EPB41L5: variants seen among roughly 807,000 people sequenced by gnomAD.
The protein encoded by EPB41L5 is erythrocyte membrane protein band 4.1 like 5.
In EPB41L5, 55 loss-of-function variants were observed where a neutral mutation model predicts 106.6. The ratio of observed to expected loss-of-function variants is 0.52; its 90% confidence interval spans 0.42 to 0.65. The LOEUF (loss-of-function observed/expected upper bound fraction) is 0.65. Among genes scored for constraint, EPB41L5 ranks in the 30% least tolerant of loss-of-function variants. The pLI, the probability that EPB41L5 is intolerant of heterozygous loss-of-function variation, is 0.00. For missense variants in EPB41L5, 871 were observed against 882.1 expected (o/e 0.99, Z 0.16); for synonymous variants, 297 against 306.7 (o/e 0.97, Z 0.33).
chr2:120,159,510 G>A (rs988000208), intron 20 of EPB41L5, among the ~76,000 whole-genome samples: 4 of 150,698 alleles, frequency 2.7e-5, no homozygotes, highest in Non-Finnish European at 5.9e-5. Context: ...TGCTATTTCT[G>A]TTAAACTACT....
At chr2:120,120,431 CAAA>C (rs35837378) in intron 16 of EPB41L5, among the ~76,000 whole-genome samples, 5 of 92,812 alleles carry the variant, frequency 5.4e-5, no homozygotes, top group East Asian at 3.0e-4. Flanking sequence ...CACTCAATCT[CAAA>C]AAAAAAAAAA....
intron 20 of EPB41L5, among the ~76,000 whole-genome samples, chr2:120,146,931 C>T (rs1050706496): frequency 4.6e-5 from 7 of 152,192 alleles, no homozygotes; most frequent in Non-Finnish European, 7.3e-5. Context: ...CCAGATACCG[C>T]AGTCAACATG....
intron 15 of EPB41L5, 22 bp from the exon 16 acceptor site, chr2:120,100,677 T>C: frequency 7.0e-6 from 11 of 1,574,252 alleles, no homozygotes; most frequent in Non-Finnish European, 9.6e-6. Context: ...AAATAGATAA[T>C]TTTTATAATT....
At chr2:120,048,150 G>C (rs1191130912) in intron 3 of EPB41L5, among the ~76,000 whole-genome samples, 1 of 152,112 alleles carries the variant, frequency 6.6e-6, no homozygotes, top group Admixed American at 6.5e-5. Context: ...CCAGGCTTTG[G>C]TATCAGGATG....
chr2:120,093,098 C>A, intron 13 of EPB41L5, 151 bp from the exon 14 acceptor site: 1 of 698,518 alleles, frequency 1.4e-6, no homozygotes, highest in Admixed American at 2.4e-5. Context: ...CCTATCTCTA[C>A]AAAATCATGA....
chr2:120,114,039 C>T lies in EPB41L5; in HGVS notation c.1337+13225C>T, dbSNP rs1364475615. ...GTGAAATTATTGGGTCATATAGTAACTCTATTTTTAACATGTTGAGGAACT... is the reference window on the plus strand; with the variant it reads ...GTGAAATTATTGGGTCATATAGTAATTCTATTTTTAACATGTTGAGGAACT... On this transcript the variant is annotated intron_variant, in intron 16 of 24. Coordinates refer to ENST00000263713, the MANE Select transcript of EPB41L5 (RefSeq NM_020909.4). Among the ~76,000 whole-genome samples, 8 of 152,236 alleles carry T rather than the reference C, an allele frequency of 5.3e-5. No homozygotes were observed. In the East Asian group the frequency reaches 9.6e-4, roughly 18 times the overall value.
intron 14 of EPB41L5, among the ~76,000 whole-genome samples, chr2:120,096,900 G>A (rs888380768): frequency 6.6e-6 from 1 of 152,182 alleles, no homozygotes; most frequent in African/African-American, 2.4e-5. Context: ...AAAGGAGGCT[G>A]GGATATGGAA....
intron 20 of EPB41L5, among the ~76,000 whole-genome samples, chr2:120,147,174 C>T (rs796179602): frequency 3.9e-4 from 60 of 152,192 alleles, no homozygotes; most frequent in African/African-American, 1.4e-3. Context: ...ATAGTGAGAT[C>T]CTGTCTCTAC....
intron 11 of EPB41L5, among the ~76,000 whole-genome samples, chr2:120,089,505 CAT>C (rs970608307): frequency 6.6e-6 from 1 of 151,934 alleles, no homozygotes; most frequent in African/African-American, 2.4e-5. Flanking sequence ...GTAGATCTAA[CAT>C]ATATATATGC....
chr2:120,040,220 A>C lies in EPB41L5; in HGVS notation c.181-1786A>C, dbSNP rs553651507. Reference sequence around the variant, plus strand: ...GTCTAGAATTAAAGAAATATGAAAGATCTCAGGTTGAAGAGGTCCATATAG... The same window carrying C: ...GTCTAGAATTAAAGAAATATGAAAGCTCTCAGGTTGAAGAGGTCCATATAG... On this transcript the variant is annotated intron_variant, in intron 2 of 24. Transcript: ENST00000263713. 2.0e-5 allele frequency among the ~76,000 whole-genome samples: 3 copies of C among 152,246 alleles called. No individual in the cohort carries two copies. The Middle Eastern group carries it at 0.01, about 518-fold the overall frequency.
At chr2:120,160,122 C>CTTAA (rs1394071340) in intron 20 of EPB41L5, among the ~76,000 whole-genome samples, 1 of 152,150 alleles carries the variant, frequency 6.6e-6, no homozygotes, top group Non-Finnish European at 1.5e-5. Flanking sequence ...GGGTACTAGG[C>CTTAA]TTAATACCTG....
At chr2:120,088,267 T>C (rs1381564762) in intron 11 of EPB41L5, among the ~76,000 whole-genome samples, 4 of 152,176 alleles carry the variant, frequency 2.6e-5, no homozygotes, top group Non-Finnish European at 5.9e-5. Context: ...TAAAAAAGAA[T>C]GAGATCTTTT....
intron 14 of EPB41L5, among the ~76,000 whole-genome samples, chr2:120,096,131 C>T (rs762921707): frequency 6.6e-6 from 1 of 152,088 alleles, no homozygotes; most frequent in Non-Finnish European, 1.5e-5. Context: ...TGTCTGTACT[C>T]TTATATGGCA....
In EPB41L5 at chr2:120,131,641, C is replaced by T; in HGVS notation, c.1525C>T (p.Leu509Phe). 1 of 1,613,506 alleles carries T rather than the reference C, an allele frequency of 6.2e-7. No homozygotes were observed. Among genetic ancestry groups the T allele is most frequent in the East Asian group, 2.2e-5 (1 of 44,860 alleles). Residue 509 changes from leucine to phenylalanine, a missense_variant, in exon 18 of 25, where the codon CTC (leucine) becomes TTC (phenylalanine). Coordinates refer to ENST00000263713, the MANE Select transcript of EPB41L5 (RefSeq NM_020909.4). ...YETLKDTSEK[L>F]KQLEMENSPL... ...AGCATTAAAAGACACCTCAGAGAAG[C>T]TCAAACAGCTTGAGATGGAGAACAG... is the stretch of plus-strand genomic sequence containing the variant.
rs1687934439 is a variant in EPB41L5 at position 120,176,821 on chromosome 2, C to G, written c.*1914C>G. On this transcript the variant is annotated 3_prime_UTR_variant, in exon 25 of 25. Transcript: ENST00000263713. ...ATTATGCCTTGGAAGACCTAAATCT[C>G]CCATCCAGTTCAGGAGGTGACAACA... 1 of 152,192 alleles carries G rather than the reference C, an allele frequency of 6.6e-6. No homozygotes were observed. The allele number at this position is 152,192 out of a possible 1,614,324, so 9.4% of individuals were successfully genotyped here. A position where few individuals can be genotyped will look rare whatever the true frequency, so the allele number is the denominator to read the frequency against.
intron 2 of EPB41L5, among the ~76,000 whole-genome samples, chr2:120,035,681 T>TA (rs944289311): frequency 5.9e-5 from 9 of 151,982 alleles, no homozygotes; most frequent in African/African-American, 1.5e-4. Flanking sequence ...CCCCATCTCT[T>TA]AAAAAAAATT....
intron 24 of EPB41L5, among the ~76,000 whole-genome samples, chr2:120,168,984 G>A (rs1402312387): frequency 6.6e-6 from 1 of 152,122 alleles, no homozygotes; most frequent in East Asian, 1.9e-4. Flanking sequence ...TGCACACAGA[G>A]AACCCGACGG....
At chr2:120,051,488 G>A (rs1264002292) in intron 3 of EPB41L5, among the ~76,000 whole-genome samples, 1 of 152,200 alleles carries the variant, frequency 6.6e-6, no homozygotes, top group African/African-American at 2.4e-5. Context: ...TGTGCCGTTT[G>A]CTAAGACCGT....
chr2:120,015,716 A>G (rs1449994602), intron 1 of EPB41L5, among the ~76,000 whole-genome samples: 2 of 151,974 alleles, frequency 1.3e-5, no homozygotes, highest in Non-Finnish European at 2.9e-5. Context: ...AGGTGGGAGG[A>G]ATCCGATTCC....
Sources: allele counts gnomAD v4.1 joint callset (sites outside exome capture counted in the v4.1 genomes callset), GRCh38; gene constraint gnomAD v4.1.1; transcripts MANE v1.5; gene names NCBI Gene and HGNC (gene_info 2026-07-23, HGNC 2026-07-21).